DACH2: variants seen among roughly 807,000 people sequenced by gnomAD.
DACH2 encodes the protein dachshund homolog 2.
Under a neutral mutation model 35.8 loss-of-function variants are expected in DACH2, and 17 were observed. That is an observed-to-expected ratio of 0.48 (90% CI 0.33 to 0.71). The LOEUF is 0.71. Among genes scored for constraint, DACH2 ranks in the 30% least tolerant of loss-of-function variants. The probability of loss-of-function intolerance (pLI) is 0.02; values close to 1 mark genes in which losing one functional copy is unlikely to be tolerated. For synonymous variants in DACH2, 195 were observed against 177.3 expected, an observed-to-expected ratio of 1.10 and a Z score of -0.79; for missense variants, 469 against 472.7, an observed-to-expected ratio of 0.99 and a Z score of 0.07.
At chrX:86,411,855 G>C (rs191540198) in intron 2 of DACH2, among the ~76,000 whole-genome samples, 1 of 110,939 alleles carries the variant, frequency 9.0e-6, no homozygotes, top group Non-Finnish European at 1.9e-5. Context: ...ACCTCAGCAG[G>C]TTGTGTTTTT....
chrX:86,587,825 G>C lies in DACH2; in HGVS notation c.641-63211G>C, dbSNP rs1026954968. Among the ~76,000 whole-genome samples the C allele has an allele frequency of 2.7e-5, 3 of 111,721 alleles. No individual in the cohort carries two copies. The Admixed American group carries it at 2.9e-4, about 11-fold the overall frequency. ...TTTGCTTCTATTCTGTGCATTGGCT[G>C]TTTACTTTCTTTATAGTTTGTTTTG... On this transcript the variant is annotated intron_variant, in intron 3 of 11. Coordinates refer to ENST00000373125, the MANE Select transcript of DACH2 (RefSeq NM_053281.3).
chrX:86,654,477 G>A lies in DACH2; in HGVS notation c.772+3310G>A, dbSNP rs193159025. On this transcript the variant is annotated intron_variant, in intron 4 of 11. Transcript: ENST00000373125. ...CATGTAAAATTACAATTTTCATGGT[G>A]AAATATAAGATGAGAATTGCTCTTC... is the stretch of plus-strand genomic sequence containing the variant. Among the ~76,000 whole-genome samples, 46 of 110,489 alleles carry A rather than the reference G, an allele frequency of 4.2e-4. 1 individual carries two copies. The East Asian group carries it at 0.012, about 29-fold the overall frequency.
intron 1 of DACH2, among the ~76,000 whole-genome samples, chrX:86,197,762 C>A (rs1181459341): frequency 9.0e-6 from 1 of 111,471 alleles, no homozygotes; most frequent in East Asian, 2.8e-4. Context: ...CACCCAGATT[C>A]ATAAAGCAAG....
At chrX:86,698,521 G>GT (rs767152609) in intron 5 of DACH2, among the ~76,000 whole-genome samples, 477 of 32,937 alleles carry the variant, frequency 0.014, 106 homozygotes, top group African/African-American at 0.056. Context: ...TTAGTTTTGT[G>GT]TTTTTTTTTT....
At chrX:86,482,109 A>C (rs2037945994) in intron 2 of DACH2, among the ~76,000 whole-genome samples, 2 of 111,668 alleles carry the variant, frequency 1.8e-5, no homozygotes, top group Non-Finnish European at 3.8e-5. Flanking sequence ...ACAGTTAAGA[A>C]CAGAGTATTT....
intron 6 of DACH2, among the ~76,000 whole-genome samples, chrX:86,724,322 G>A (rs1270026706): frequency 1.8e-5 from 2 of 111,785 alleles, no homozygotes; most frequent in Non-Finnish European, 3.8e-5. Flanking sequence ...TTTCGTGATG[G>A]CGAATAGTGA....
At chrX:86,694,948 C>T (rs2041049566) in intron 4 of DACH2, 73 bp from the exon 5 acceptor site, 2 of 836,280 alleles carry the variant, frequency 2.4e-6, no homozygotes, top group Admixed American at 8.6e-5. Flanking sequence ...GATTACAGCC[C>T]TAAAAGGGAA....
intron 2 of DACH2, among the ~76,000 whole-genome samples, chrX:86,408,537 C>A (rs1375226761): frequency 1.8e-5 from 2 of 111,742 alleles, no homozygotes; most frequent in Non-Finnish European, 3.8e-5. Flanking sequence ...TCTTTTACAC[C>A]AAATATAGCA....
chrX:86,453,778 G>T (rs367573180), intron 2 of DACH2, among the ~76,000 whole-genome samples: 12 of 111,409 alleles, frequency 1.1e-4, no homozygotes, highest in Non-Finnish European at 1.7e-4. Context: ...TTGCTGCTCT[G>T]TGTTTTTTAA....
intron 2 of DACH2, among the ~76,000 whole-genome samples, chrX:86,469,781 T>C (rs1304359348): frequency 1.8e-5 from 2 of 110,778 alleles, no homozygotes; most frequent in Non-Finnish European, 3.8e-5. Flanking sequence ...GGATTTGCCA[T>C]GTCCCATGCA....
chrX:86,478,542 C>CTTTTTTTTTTTTTT (rs767463672), intron 2 of DACH2, among the ~76,000 whole-genome samples: 56 of 86,851 alleles, frequency 6.4e-4, no homozygotes, highest in Non-Finnish European at 1.1e-3. Context: ...TTTTGTTTTT[C>CTTTTTTTTTTTTTT]TTTTTTTTTT....
At chrX:86,507,034 T>C (rs920054489) in intron 2 of DACH2, among the ~76,000 whole-genome samples, 7 of 111,717 alleles carry the variant, frequency 6.3e-5, no homozygotes, top group African/African-American at 2.0e-4. Flanking sequence ...TATTTATCCA[T>C]GAAGAGCAAA....
chrX:86,305,885 C>T (rs1429136450), intron 1 of DACH2, among the ~76,000 whole-genome samples: 1 of 111,427 alleles, frequency 9.0e-6, no homozygotes, highest in Non-Finnish European at 1.9e-5. Flanking sequence ...AAATCAAAAC[C>T]ACAATGAGAT....
chrX:86,626,153 G>A (rs192765925), intron 3 of DACH2, among the ~76,000 whole-genome samples: 25 of 112,497 alleles, frequency 2.2e-4, no homozygotes, highest in African/African-American at 7.7e-4. Context: ...CAGGAATTGG[G>A]TAAAACACAC....
Position 86,636,393 on chromosome X carries a change from A to G in DACH2, c.641-14643A>G, listed in dbSNP as rs746136183. On this transcript the variant is annotated intron_variant, in intron 3 of 11. Transcript: ENST00000373125. ...AACGCGGGAGGCAGAGGTTGCAGTG[A>G]GCTGAGATCACCCCATTGCATTGCA... Among the ~76,000 whole-genome samples the G allele has an allele frequency of 3.8e-5, 4 of 106,569 alleles. No homozygotes were observed. In the South Asian group the frequency reaches 1.6e-3, roughly 42 times the overall value. The allele number at this position is 106,569 out of a possible 115,157, so 92.5% of individuals were successfully genotyped here.
chrX:86,424,533 C>T (rs2036859764), intron 2 of DACH2, among the ~76,000 whole-genome samples: 1 of 111,146 alleles, frequency 9.0e-6, no homozygotes, highest in East Asian at 2.8e-4. Context: ...GAGGCTGTAT[C>T]CTGCCAACTT....
rs772686974 is a variant in DACH2, at chrX:86,591,854, A to G, written c.641-59182A>G. On this transcript the variant is annotated intron_variant, in intron 3 of 11. Transcript: ENST00000373125. The stretch of plus-strand genomic sequence containing the variant: ...CCCGGCTTCTTTGGCTAAATTTTTA[A>G]TTTGATTGTTTATTTTCTTATTGTT... Among the ~76,000 whole-genome samples, 8 of 110,772 alleles carry G rather than the reference A, an allele frequency of 7.2e-5. No homozygotes were observed. In the Admixed American group the frequency reaches 7.7e-4, roughly 11 times the overall value.
intron 2 of DACH2, among the ~76,000 whole-genome samples, chrX:86,478,601 T>C (rs2037887039): frequency 9.4e-6 from 1 of 106,592 alleles, no homozygotes; most frequent in Non-Finnish European, 1.9e-5. Flanking sequence ...ACTTTTAGGA[T>C]CCTTTCTTTA....
At chrX:86,658,701 T>C (rs1476837558) in intron 4 of DACH2, among the ~76,000 whole-genome samples, 4 of 111,864 alleles carry the variant, frequency 3.6e-5, no homozygotes, top group African/African-American at 1.3e-4. Context: ...AATAGATGCT[T>C]GAATGATTAT....
Sources: gnomAD v4.1 joint callset for allele counts (sites outside exome capture counted in the v4.1 genomes callset) on GRCh38, gnomAD v4.1.1 for gene constraint, MANE v1.5 for transcripts, NCBI Gene and HGNC (gene_info 2026-07-23, HGNC 2026-07-21) for gene names.